Variants in CAMKMT observed in about 807,000 individuals in gnomAD.
CAMKMT encodes CaM KMT.
In CAMKMT, 53 loss-of-function variants were observed where a neutral mutation model predicts 48.0. The observed-to-expected ratio is 1.10, with a 90% CI of 0.89 to 1.39. The LOEUF (loss-of-function observed/expected upper bound fraction) is 1.39, where lower values mean the gene tolerates loss of function less well. Among genes scored for constraint, CAMKMT ranks in the 40% most tolerant of loss-of-function variants. The probability of loss-of-function intolerance (pLI) is 0.00; values close to 1 mark genes in which losing one functional copy is unlikely to be tolerated. For synonymous variants in CAMKMT, 165 were observed against 152.3 expected, an observed-to-expected ratio of 1.08 and a Z score of -0.61; for missense variants, 428 against 402.7, an observed-to-expected ratio of 1.06 and a Z score of -0.54.
intron 6 of CAMKMT, among the ~76,000 whole-genome samples, chr2:44,714,914 C>T (rs1016009334): frequency 6.6e-6 from 1 of 152,150 alleles, no homozygotes; most frequent in African/African-American, 2.4e-5. Context: ...AAAAGATTGG[C>T]CAGGCGCAGT....
At chr2:44,446,685 C>T (rs1012273795) in intron 3 of CAMKMT, among the ~76,000 whole-genome samples, 2 of 152,132 alleles carry the variant, frequency 1.3e-5, no homozygotes, top group Non-Finnish European at 2.9e-5. Context: ...ACTTAAGTTC[C>T]GACCTAGAGG....
intron 9 of CAMKMT, among the ~76,000 whole-genome samples, chr2:44,756,756 A>G (rs1316573416): frequency 6.6e-6 from 1 of 151,412 alleles, no homozygotes; most frequent in Non-Finnish European, 1.5e-5. Flanking sequence ...AAAAAAAAAA[A>G]GAAAAAGAAA....
intron 3 of CAMKMT, among the ~76,000 whole-genome samples, chr2:44,683,838 A>AAAC (rs1327306847): frequency 6.7e-6 from 1 of 149,368 alleles, no homozygotes; most frequent in Non-Finnish European, 1.5e-5. Flanking sequence ...AAAAAAAAAA[A>AAAC]AAAAAGAAAA....
intron 3 of CAMKMT, among the ~76,000 whole-genome samples, chr2:44,483,385 G>A (rs1003704250): frequency 4.6e-5 from 7 of 152,076 alleles, no homozygotes; most frequent in African/African-American, 7.2e-5. Context: ...TACCTGTTCT[G>A]AAGTTCATTT....
At chr2:44,441,329 G>T (rs1156553429) in intron 3 of CAMKMT, among the ~76,000 whole-genome samples, 1 of 152,156 alleles carries the variant, frequency 6.6e-6, no homozygotes, top group Non-Finnish European at 1.5e-5. Flanking sequence ...GCCTAAATCA[G>T]TGTTGCTGGG....
intron 3 of CAMKMT, among the ~76,000 whole-genome samples, chr2:44,567,142 G>T (rs9646969): frequency 0.44 from 67,125 of 151,984 alleles, 17,287 homozygotes; most frequent in Non-Finnish European, 0.58. Flanking sequence ...TCTCAGTATG[G>T]AATTACTGGC....
chr2:44,554,055 A>G (rs993242473), intron 3 of CAMKMT, among the ~76,000 whole-genome samples: 1 of 152,236 alleles, frequency 6.6e-6, no homozygotes, highest in East Asian at 1.9e-4. Flanking sequence ...TTTAAAGAAC[A>G]CAGTTTTAGA....
intron 3 of CAMKMT, among the ~76,000 whole-genome samples, chr2:44,461,892 G>A (rs776688787): frequency 6.6e-6 from 1 of 152,060 alleles, no homozygotes; most frequent in Non-Finnish European, 1.5e-5. Context: ...TCTACCCTAG[G>A]TATATGGGAT....
chr2:44,707,947 G>C (rs1677652633), intron 6 of CAMKMT, among the ~76,000 whole-genome samples: 1 of 152,070 alleles, frequency 6.6e-6, no homozygotes, highest in African/African-American at 2.4e-5. Flanking sequence ...TGGAACAGCT[G>C]TCAGTTCTTC....
intron 3 of CAMKMT, among the ~76,000 whole-genome samples, chr2:44,529,838 G>C (rs1171001476): frequency 2.0e-5 from 3 of 152,168 alleles, no homozygotes; most frequent in Admixed American, 6.5e-5. Context: ...GGAGAAAATT[G>C]CAATCTGTGA....
chr2:44,512,584 T>A (rs1181520310), intron 3 of CAMKMT, among the ~76,000 whole-genome samples: 1 of 152,200 alleles, frequency 6.6e-6, no homozygotes, highest in Non-Finnish European at 1.5e-5. Flanking sequence ...GTCTCCTACT[T>A]TTTTTGTGCT....
intron 3 of CAMKMT, among the ~76,000 whole-genome samples, chr2:44,524,854 C>G (rs984457945): frequency 6.6e-6 from 1 of 152,040 alleles, no homozygotes; most frequent in Non-Finnish European, 1.5e-5. Flanking sequence ...ATGGTTAAAT[C>G]ATTGAATGGC....
chr2:44,538,141 G>A (rs187157837), intron 3 of CAMKMT, among the ~76,000 whole-genome samples: 6 of 152,004 alleles, frequency 3.9e-5, no homozygotes, highest in Non-Finnish European at 7.4e-5. Context: ...AGACCGAGGC[G>A]GGTGGATCAC....
rs374344832 is a variant in CAMKMT at position 44,537,129 on chromosome 2, A to G, written c.376+146824A>G. Among the ~76,000 whole-genome samples the G allele has an allele frequency of 3.3e-5, 5 of 152,354 alleles. No homozygotes were observed. In the East Asian group the frequency reaches 9.6e-4, roughly 29 times the overall value. ...CAAAGATTTTATAGTTAAGACCTCC[A>G]AAGCATAGACAACAAAAACAAAAAT... On this transcript the variant is annotated intron_variant, in intron 3 of 10. Transcript: ENST00000378494.
At chr2:44,608,493 A>G (rs1558741320) in intron 3 of CAMKMT, among the ~76,000 whole-genome samples, 1 of 152,200 alleles carries the variant, frequency 6.6e-6, no homozygotes, top group Non-Finnish European at 1.5e-5. Context: ...CAGATCAGGT[A>G]TTATCGTATC....
intron 3 of CAMKMT, among the ~76,000 whole-genome samples, chr2:44,647,616 A>C (rs1270588010): frequency 2.0e-5 from 3 of 151,868 alleles, no homozygotes; most frequent in Non-Finnish European, 2.9e-5. Context: ...GTGAATATTG[A>C]AACTATGGGC....
chr2:44,401,352 T>C (rs1313569248), intron 3 of CAMKMT, among the ~76,000 whole-genome samples: 5 of 151,558 alleles, frequency 3.3e-5, no homozygotes, highest in African/African-American at 1.2e-4. Context: ...AGGTCAGGAG[T>C]TTGAGACCAG....
intron 3 of CAMKMT, among the ~76,000 whole-genome samples, chr2:44,546,633 C>A (rs1667426109): frequency 6.6e-6 from 1 of 152,212 alleles, no homozygotes; most frequent in Admixed American, 6.5e-5. Context: ...CATTTCACTG[C>A]TGCAAAAGGC....
At chr2:44,386,577 G>A (rs1163827588) in intron 2 of CAMKMT, among the ~76,000 whole-genome samples, 2 of 151,908 alleles carry the variant, frequency 1.3e-5, no homozygotes, top group Non-Finnish European at 2.9e-5. Flanking sequence ...GTTTGTTCTT[G>A]TTTCTCTAGT....
Sources: allele counts gnomAD v4.1 joint callset (sites outside exome capture counted in the v4.1 genomes callset), GRCh38; gene constraint gnomAD v4.1.1; transcripts MANE v1.5; gene names NCBI Gene and HGNC (gene_info 2026-07-23, HGNC 2026-07-21).